PTGIS: variants seen among roughly 807,000 people sequenced by gnomAD.
PTGIS encodes the protein prostaglandin I2 synthase.
Under a neutral mutation model 50.3 loss-of-function variants are expected in PTGIS, and 45 were observed. That is an observed-to-expected ratio of 0.90 (90% CI 0.70 to 1.15). PTGIS has a LOEUF of 1.15. PTGIS is among the 50% of genes most tolerant of loss of function. PTGIS has a pLI of 0.00. For missense variants in PTGIS, 668 were observed against 661.3 expected (o/e 1.01, Z -0.11); for synonymous variants, 260 against 267.7 (o/e 0.97, Z 0.28).
Position 49,544,458 on chromosome 20 carries a change from G to A in PTGIS, c.378-10C>T. The A allele has an allele frequency of 6.2e-7, 1 of 1,614,076 alleles. No individual in the cohort carries two copies. The highest frequency in any genetic ancestry group is 8.5e-7 in the Non-Finnish European group (1 of 1,180,000). On this transcript the variant is annotated splice_polypyrimidine_tract_variant and intron_variant, in intron 3 of 9. Coordinates refer to ENST00000244043, the MANE Select transcript of PTGIS (RefSeq NM_000961.4). ...TCTGTGGAGAAGAGTCCTGAGGCAG[G>A]AAACAAAAGCATGAAAATTTGGCTT... is the stretch of plus-strand genomic sequence containing the variant.
intron 6 of PTGIS, among the ~76,000 whole-genome samples, chr20:49,523,783 GA>G (rs758265190): frequency 1.3e-5 from 2 of 150,642 alleles, no homozygotes; most frequent in African/African-American, 2.4e-5. Context: ...TGTCTCAAAA[GA>G]AAAAAAAAGA....
At chr20:49,565,896 T>C (rs1246358853) in intron 1 of PTGIS, among the ~76,000 whole-genome samples, 1 of 152,132 alleles carries the variant, frequency 6.6e-6, no homozygotes, top group Non-Finnish European at 1.5e-5. Flanking sequence ...TTCTCCCCAC[T>C]ACCCACTGTT....
At chr20:49,514,543 C>A in intron 6 of PTGIS, 148 bp from the exon 7 acceptor site, 1 of 1,039,240 alleles carries the variant, frequency 9.6e-7, no homozygotes, top group Non-Finnish European at 1.4e-6. Flanking sequence ...TGTCTATCTC[C>A]AGCCTCAGGA....
chr20:49,548,578 G>A (rs1408791546), intron 2 of PTGIS, among the ~76,000 whole-genome samples: 1 of 151,996 alleles, frequency 6.6e-6, no homozygotes, highest in African/African-American at 2.4e-5. Flanking sequence ...ATGGATGGAT[G>A]GATGGAAGGA....
At chr20:49,530,479 T>A (rs777432658) in intron 5 of PTGIS, among the ~76,000 whole-genome samples, 12 of 152,212 alleles carry the variant, frequency 7.9e-5, no homozygotes, top group Non-Finnish European at 1.5e-4. Context: ...TAGCTCTATT[T>A]TTGATTTTTT....
chr20:49,561,973 G>A (rs1056785574), intron 1 of PTGIS, among the ~76,000 whole-genome samples: 2 of 152,180 alleles, frequency 1.3e-5, no homozygotes, highest in African/African-American at 4.8e-5. Flanking sequence ...ACACCACACT[G>A]AGGACTTTAT....
chr20:49,554,635 T>C (rs540439448), intron 1 of PTGIS, among the ~76,000 whole-genome samples: 1 of 152,242 alleles, frequency 6.6e-6, no homozygotes, highest in East Asian at 1.9e-4. Context: ...CCAGGGACTA[T>C]CATGGAAGAG....
intron 8 of PTGIS, among the ~76,000 whole-genome samples, chr20:49,511,722 G>C (rs1364883155): frequency 6.6e-6 from 1 of 152,224 alleles, no homozygotes. Flanking sequence ...AAGGGTTGTA[G>C]CTGAGCACAG....
rs767510292 is a variant in PTGIS, at chr20:49,514,411, C to A, written c.856-16G>T. 1 of 1,612,348 alleles carries A rather than the reference C, an allele frequency of 6.2e-7. No homozygotes were observed. On this transcript the variant is annotated splice_polypyrimidine_tract_variant and intron_variant, in intron 6 of 9. Transcript: ENST00000244043. ...CCATATTCCCCTGCAAGGAGAAGGG[C>A]CCCTGTTATGCCATTATGAGGGCAG...
chr20:49,556,308 C>T (rs544077385), intron 1 of PTGIS, among the ~76,000 whole-genome samples: 2 of 152,290 alleles, frequency 1.3e-5, no homozygotes, highest in African/African-American at 4.8e-5. Flanking sequence ...ACTGGAATGA[C>T]ATATTTTCAG....
At position 49,507,368 on chromosome 20, in the gene PTGIS, G is replaced by C. The variant is rs1054298308; in HGVS notation, c.*552C>G. On this transcript the variant is annotated 3_prime_UTR_variant, in exon 10 of 10. Transcript: ENST00000244043. ...TTTCTCAAGTAGTGTGAGCAATGGG[G>C]CAATCTGGCAAATGGGGCCCCAGGG... 2 of 205,218 alleles carry C rather than the reference G, an allele frequency of 9.7e-6. No homozygotes were observed. The highest frequency in any genetic ancestry group is 1.2e-4 in the East Asian group (1 of 8,384). 12.7% of individuals were successfully genotyped at this position (205,218 alleles called of 1,614,324 possible).
In PTGIS at chr20:49,544,169, TAC is replaced by T. The variant is rs1200159479; in HGVS notation, c.521+134_521+135del. 167 of 1,204,510 alleles carry T rather than the reference TAC, an allele frequency of 1.4e-4. 1 individual carries two copies. Among genetic ancestry groups the T allele is most frequent in the Non-Finnish European group, 1.7e-5 (15 of 864,352 alleles). 74.6% of individuals were successfully genotyped at this position (1,204,510 alleles called of 1,614,324 possible). A position where few individuals can be genotyped will look rare whatever the true frequency, so the allele number is the denominator to read the frequency against. ...GGGCCCTGGTGCATGGCGTCTTTCC[TAC>T]AGTCTTTGCTTTGGGTGTCTCAAAT... On this transcript the variant is annotated intron_variant, in intron 4 of 9. Transcript: ENST00000244043.
chr20:49,544,479 G>C, intron 3 of PTGIS, 31 bp from the exon 4 acceptor site: 1 of 1,613,838 alleles, frequency 6.2e-7, no homozygotes, highest in Non-Finnish European at 8.5e-7. Context: ...ATGAAAATTT[G>C]GCTTCCAAAG....
chr20:49,514,173 G>C, intron 7 of PTGIS, 54 bp downstream of exon 7: 1 of 1,601,068 alleles, frequency 6.2e-7, no homozygotes, highest in Non-Finnish European at 8.5e-7. Context: ...AGGGCTTTGG[G>C]GGTCCATGAT....
intron 1 of PTGIS, among the ~76,000 whole-genome samples, chr20:49,557,330 C>G (rs1827798887): frequency 6.6e-6 from 1 of 152,128 alleles, no homozygotes; most frequent in South Asian, 2.1e-4. Context: ...GTGGTTCATG[C>G]CTGTAATCCC....
At chr20:49,521,700 AAT>A (rs1360653874) in intron 6 of PTGIS, among the ~76,000 whole-genome samples, 3 of 152,168 alleles carry the variant, frequency 2.0e-5, no homozygotes, top group African/African-American at 7.2e-5. Flanking sequence ...GGAAACTAAA[AAT>A]AAGCTGCAAG....
At chr20:49,527,311 G>T (rs1981817057) in intron 5 of PTGIS, among the ~76,000 whole-genome samples, 1 of 147,714 alleles carries the variant, frequency 6.8e-6, no homozygotes, top group African/African-American at 2.5e-5. Context: ...AAAAAAATTA[G>T]CCAGGCATGG....
At chr20:49,514,478 A>C in intron 6 of PTGIS, 83 bp from the exon 7 acceptor site, 1 of 1,507,558 alleles carries the variant, frequency 6.6e-7, no homozygotes, top group Non-Finnish European at 9.0e-7. Flanking sequence ...GGGCCAAGAC[A>C]GAGGGGCCAG....
chr20:49,561,774 G>A (rs994763041), intron 1 of PTGIS, among the ~76,000 whole-genome samples: 1 of 152,198 alleles, frequency 6.6e-6, no homozygotes, highest in African/African-American at 2.4e-5. Flanking sequence ...GCTGTGCCAA[G>A]GATGAGGGGA....
Sources: gnomAD v4.1 joint callset for allele counts (sites outside exome capture counted in the v4.1 genomes callset) on GRCh38, gnomAD v4.1.1 for gene constraint, MANE v1.5 for transcripts, NCBI Gene and HGNC (gene_info 2026-07-23, HGNC 2026-07-21) for gene names.